Variants in ITGB7 observed in about 807,000 individuals in gnomAD.
ITGB7 encodes the protein integrin subunit beta 7.
Under a neutral mutation model 83.4 loss-of-function variants are expected in ITGB7, and 55 were observed. The ratio of observed to expected loss-of-function variants is 0.66; its 90% confidence interval spans 0.53 to 0.83. The LOEUF (loss-of-function observed/expected upper bound fraction) is 0.83, where lower values mean the gene tolerates loss of function less well. Among genes scored for constraint, ITGB7 ranks in the 40% least tolerant of loss-of-function variants. The pLI is 0.00. For missense variants in ITGB7, 921 were observed against 1,046.7 expected (o/e 0.88, Z 1.66); for synonymous variants, 454 against 423.6 (o/e 1.07, Z -0.88).
chr12:53,199,757 C>A (rs1942278684), intron 3 of ITGB7, among the ~76,000 whole-genome samples: 1 of 145,598 alleles, frequency 6.9e-6, no homozygotes, highest in Admixed American at 6.8e-5. Flanking sequence ...AGGGCCCTAA[C>A]TGAGGAACCA....
Position 53,196,665 on chromosome 12 carries a change from G to C in ITGB7, c.730C>G (p.Arg244Gly). Reference sequence around the variant, plus strand: ...GACACACTCTGGCGCCCCACCTCCCGCTCGAAGGCTTGTGCGTCCCCCGTC... The same window carrying C: ...GACACACTCTGGCGCCCCACCTCCCCCTCGAAGGCTTGTGCGTCCCCCGTC... ...SLTGDAQAFE[R>G]EVGRQSVSGN... The change falls in exon 6 of 16, where the codon CGG becomes GGG. Residue 244 changes from arginine (R) to glycine (G), a missense_variant. Arg to Gly is a moderately radical substitution (Grantham distance 125). Transcript: ENST00000267082. The C allele has an allele frequency of 1.2e-6, 2 of 1,611,136 alleles. No homozygotes were observed. Among genetic ancestry groups the C allele is most frequent in the East Asian group, 2.2e-5 (1 of 44,814 alleles).
At position 53,192,417 on chromosome 12, in the gene ITGB7, C is replaced by T; in HGVS notation, c.2068G>A (p.Glu690Lys). ...AACAGCTGGTTGTCCAGGGTCCGCTCTTTGCACCAGCCATCATCCAAGATA... is the reference window on the plus strand; with the variant it reads ...AACAGCTGGTTGTCCAGGGTCCGCTTTTTGCACCAGCCATCATCCAAGATA... ...APILDDGWCK[E>K]RTLDNQLFFF... is the part of the protein sequence containing the mutation. The change falls in exon 14 of 16, where the codon GAG becomes AAG. Residue 690 changes from glutamate to lysine, a missense_variant. Glu to Lys is a moderately conservative substitution (Grantham distance 56, BLOSUM62 1). Coordinates refer to ENST00000267082, the MANE Select transcript of ITGB7 (RefSeq NM_000889.3). 1.2e-6 allele frequency: 2 copies of T among 1,614,130 alleles called. No homozygotes were observed.
intron 2 of ITGB7, among the ~76,000 whole-genome samples, chr12:53,200,750 G>A (rs558530413): frequency 3.7e-4 from 57 of 152,094 alleles, no homozygotes; most frequent in Middle Eastern, 3.4e-3. Flanking sequence ...TCAACATGGC[G>A]AAACCCCATC....
Position 53,193,873 on chromosome 12 carries a change from G to T in ITGB7, c.1337C>A (p.Thr446Asn), listed in dbSNP as rs1258383414. The change falls in exon 11 of 16, where the codon ACC (threonine) becomes AAC (asparagine). Residue 446 changes from threonine (T) to asparagine (N), a missense_variant. Thr to Asn is a moderately conservative substitution (Grantham distance 65). Transcript: ENST00000267082. The part of the protein sequence containing the change: ...TVTFWVSLQA[T>N]HCLPEPHLLR... ...GAGATGGGGCTCTGGGAGGCAGTGG[G>T]TGGCTTGGAGAGAAACCCAGAAAGT... The T allele has an allele frequency of 1.9e-6, 3 of 1,613,372 alleles. No individual in the cohort carries two copies. Among genetic ancestry groups the T allele is most frequent in the Non-Finnish European group, 2.5e-6 (3 of 1,179,776 alleles).
intron 14 of ITGB7, 54 bp downstream of exon 14, chr12:53,192,276 G>T: frequency 6.4e-7 from 1 of 1,561,708 alleles, no homozygotes; most frequent in Non-Finnish European, 8.8e-7. Context: ...CATCCCCAGA[G>T]TTGAGACCCT....
At chr12:53,194,787 A>G (rs2120440879) in intron 9 of ITGB7, 1 of 176,952 alleles carries the variant, frequency 5.7e-6, no homozygotes, top group Admixed American at 5.4e-5. Context: ...CCTACAGCCT[A>G]GTTGCAGAGG....
rs762490149 is a variant in ITGB7, at chr12:53,192,015, T to G, written c.2160A>C (p.Gly720=). 2.5e-6 allele frequency: 4 copies of G among 1,611,016 alleles called. No individual in the cohort carries two copies. The highest frequency in any genetic ancestry group is 3.4e-6 in the Non-Finnish European group (4 of 1,178,618). The change falls in exon 15 of 16, where the codon GGA becomes GGC. Residue 720 remains glycine (G), a synonymous_variant. Transcript: ENST00000267082. ...GCACAATGGCCTGCGTGTGGTCTGCTCCCTCTGTGAACAAGAAACCAGACA... is the reference window on the plus strand; with the variant it reads ...GCACAATGGCCTGCGTGTGGTCTGCGCCCTCTGTGAACAAGAAACCAGACA... The part of the protein sequence containing the change: ...VVLRVRPQEK[G]ADHTQAIVLG...
At chr12:53,199,505 G>C (rs1415500919) in intron 3 of ITGB7, among the ~76,000 whole-genome samples, 2 of 151,890 alleles carry the variant, frequency 1.3e-5, no homozygotes, top group Non-Finnish European at 2.9e-5. Flanking sequence ...ACTGAACTCT[G>C]CACCCCTACC....
intron 11 of ITGB7, 22 bp downstream of exon 11, chr12:53,193,686 G>A (rs771434487): frequency 1.3e-6 from 2 of 1,583,892 alleles, no homozygotes; most frequent in East Asian, 4.5e-5. Flanking sequence ...CCAGGTGGTT[G>A]AAGGGAAGAG....
In ITGB7 at chr12:53,195,460, G is replaced by C; in HGVS notation, c.1075C>G (p.Leu359Val). ...TSAALPVYQE[L>V]SKLIPKSAVG... ...GCAGACTTAGGAATCAGTTTACTCA[G>C]CTCCTGAGTTTTGGGGAGTTAAGGG... Residue 359 changes from leucine (L) to valine (V), a missense_variant, in exon 9 of 16, where the codon CTG (leucine) becomes GTG (valine). By Grantham distance (32) the Leu-to-Val change is conservative. Coordinates refer to ENST00000267082, the MANE Select transcript of ITGB7 (RefSeq NM_000889.3). 6.2e-7 allele frequency: 1 copy of C among 1,613,416 alleles called. No individual in the cohort carries two copies. Among genetic ancestry groups the C allele is most frequent in the Non-Finnish European group, 8.5e-7 (1 of 1,179,406 alleles).
chr12:53,195,466 G>A lies in ITGB7; in HGVS notation c.1072-3C>T. On this transcript the variant is annotated splice_region_variant and splice_polypyrimidine_tract_variant and intron_variant, in intron 8 of 15. Coordinates refer to ENST00000267082, the MANE Select transcript of ITGB7 (RefSeq NM_000889.3). ...TTAGGAATCAGTTTACTCAGCTCCT[G>A]AGTTTTGGGGAGTTAAGGGAAATGG... 2 of 1,612,364 alleles carry A rather than the reference G, an allele frequency of 1.2e-6. No individual in the cohort carries two copies. The highest frequency in any genetic ancestry group is 8.5e-7 in the Non-Finnish European group (1 of 1,178,422).
rs1942301165 is a variant in ITGB7, at chr12:53,200,508, C to G, written c.-3-62G>C. On this transcript the variant is annotated intron_variant, in intron 2 of 15. Coordinates refer to ENST00000267082, the MANE Select transcript of ITGB7 (RefSeq NM_000889.3). ...AGGGAGGACTCTCAAACTCTCAGTC[C>G]TCTAAACTTAGCTTGTGGTTATCAC... 4 of 1,413,952 alleles carry G rather than the reference C, an allele frequency of 2.8e-6. 1 individual carries two copies. The South Asian group carries it at 4.7e-5, about 17-fold the overall frequency. 87.6% of individuals were successfully genotyped at this position (1,413,952 alleles called of 1,614,324 possible). A position where few individuals can be genotyped will look rare whatever the true frequency, so the allele number is the denominator to read the frequency against.
chr12:53,201,969 T>G lies in ITGB7; in HGVS notation c.-126-775A>C, dbSNP rs567209289. Among the ~76,000 whole-genome samples, 13 of 152,312 alleles carry G rather than the reference T, an allele frequency of 8.5e-5. No homozygotes were observed. The South Asian group carries it at 2.7e-3, about 32-fold the overall frequency. On this transcript the variant is annotated intron_variant, in intron 1 of 15. Transcript: ENST00000267082. The stretch of plus-strand genomic sequence containing the variant: ...ACACATATATTATACATCAGTGGAA[T>G]AGAATTGAAAGAGTCCAGAAATAAA...
intron 3 of ITGB7, among the ~76,000 whole-genome samples, chr12:53,198,890 G>A (rs1166740425): frequency 6.6e-6 from 1 of 152,192 alleles, no homozygotes; most frequent in Non-Finnish European, 1.5e-5. Context: ...ACAGGGGAAG[G>A]AAATGGTTAG....
At chr12:53,197,439 G>A in intron 5 of ITGB7, 54 bp downstream of exon 5, 1 of 1,599,010 alleles carries the variant, frequency 6.3e-7, no homozygotes, top group South Asian at 1.1e-5. Context: ...CAGAGGCTAG[G>A]GCAGTGGTTG....
intron 1 of ITGB7, among the ~76,000 whole-genome samples, chr12:53,204,090 T>C (rs531530556): frequency 4.4e-4 from 67 of 152,088 alleles, no homozygotes; most frequent in Middle Eastern, 3.4e-3. Context: ...TAAAAAGCAA[T>C]GAAATGGGTC....
chr12:53,197,475 A>T lies in ITGB7; in HGVS notation c.574+18T>A. 1 of 1,613,920 alleles carries T rather than the reference A, an allele frequency of 6.2e-7. No homozygotes were observed. The highest frequency in any genetic ancestry group is 8.5e-7 in the Non-Finnish European group (1 of 1,179,850). ...AATAGGCAAGGGCTAACAGGGCGGG[A>T]GGCAGCGCTCGGCTCACCAATGCGC... On this transcript the variant is annotated intron_variant, in intron 5 of 15. Transcript: ENST00000267082.
chr12:53,199,960 T>C (rs1441235831), intron 3 of ITGB7, among the ~76,000 whole-genome samples: 1 of 152,164 alleles, frequency 6.6e-6, no homozygotes, highest in Non-Finnish European at 1.5e-5. Context: ...AGCACATACT[T>C]TCTCCCAATT....
intron 15 of ITGB7, 90 bp downstream of exon 15, chr12:53,191,769 A>G (rs754695662): frequency 6.4e-7 from 1 of 1,574,586 alleles, no homozygotes; most frequent in South Asian, 1.1e-5. Flanking sequence ...TACATGTGCC[A>G]GGGGCTGGGG....
Sources: gnomAD v4.1 joint callset for allele counts (sites outside exome capture counted in the v4.1 genomes callset) on GRCh38, gnomAD v4.1.1 for gene constraint, MANE v1.5 for transcripts, NCBI Gene and HGNC (gene_info 2026-07-23, HGNC 2026-07-21) for gene names.